The following L1TD1 variants were observed in gnomAD, a reference collection of about 807,000 sequenced individuals.
L1TD1 encodes the protein LINE-1 type transposase domain-containing protein 1.
In L1TD1, 26 loss-of-function variants were observed where a neutral mutation model predicts 25.7. The observed-to-expected ratio is 1.01, with a 90% CI of 0.74 to 1.40. The LOEUF is 1.40. Ranked by LOEUF, L1TD1 falls within the 40% of genes most tolerant of loss-of-function variation. The pLI is 0.00. For missense variants in L1TD1, 1,130 were observed against 975.0 expected, an observed-to-expected ratio of 1.16 and a Z score of -2.12; for synonymous variants, 421 against 335.6, an observed-to-expected ratio of 1.25 and a Z score of -2.78.
chr1:62,206,128 T>C (rs776957906), intron 2 of L1TD1, among the ~76,000 whole-genome samples: 2 of 152,228 alleles, frequency 1.3e-5, no homozygotes, highest in African/African-American at 4.8e-5. Context: ...TTTCTCAATT[T>C]TGCGTAAGAT....
At chr1:62,195,960 C>T (rs540341023) in intron 1 of L1TD1, among the ~76,000 whole-genome samples, 1 of 151,918 alleles carries the variant, frequency 6.6e-6, no homozygotes, top group Non-Finnish European at 1.5e-5. Flanking sequence ...TCGCTTGAAC[C>T]GGGGAGGCGG....
At chr1:62,199,335 T>C (rs1030246306) in intron 2 of L1TD1, among the ~76,000 whole-genome samples, 2 of 151,852 alleles carry the variant, frequency 1.3e-5, no homozygotes, top group Non-Finnish European at 2.9e-5. Flanking sequence ...CCGTCTCTAC[T>C]AAAAATACAA....
Position 62,212,232 on chromosome 1 carries a change from CTACAAAAAAA to C in L1TD1, c.*869_*878del, listed in dbSNP as rs1670891758. ...ATCCTGGGCAATGTGGCGAAAGTGT[CTACAAAAAAA>C]TACAAAAAGAGGAAGAAATGATATT... On this transcript the variant is annotated 3_prime_UTR_variant, in exon 4 of 4. Transcript: ENST00000498273. The C allele has an allele frequency of 6.6e-6, 1 of 151,922 alleles. No homozygotes were observed. Among genetic ancestry groups the C allele is most frequent in the African/African-American group, 2.4e-5 (1 of 41,360 alleles). 9.4% of individuals were successfully genotyped at this position (151,922 alleles called of 1,614,324 possible). A position where few individuals can be genotyped will look rare whatever the true frequency, so the allele number is the denominator to read the frequency against.
At chr1:62,207,727 C>A (rs1204676546) in intron 3 of L1TD1, 91 bp downstream of exon 3, 14 of 1,375,704 alleles carry the variant, frequency 1.0e-5, no homozygotes, top group Non-Finnish European at 1.3e-5. Context: ...TTTTTTTTTT[C>A]TTGAGATGGA....
At position 62,207,314 on chromosome 1, in the gene L1TD1, C is replaced by T; in HGVS notation, c.686C>T (p.Ala229Val). Residue 229 changes from alanine to valine, a missense_variant, in exon 3 of 4, where the codon GCC becomes GTC. Coordinates refer to ENST00000498273, the MANE Select transcript of L1TD1 (RefSeq NM_019079.5). ...KLKNKEEVLK[A>V]SREEKVLMDE... ...AAGAATAAAGAGGAGGTTTTAAAAG[C>T]CTCCAGAGAAGAAAAAGTGTTGATG... 6.4e-7 allele frequency: 1 copy of T among 1,550,660 alleles called. No homozygotes were observed. Among genetic ancestry groups the T allele is most frequent in the Non-Finnish European group, 8.7e-7 (1 of 1,146,722 alleles).
chr1:62,198,869 G>C (rs532596179), intron 2 of L1TD1, among the ~76,000 whole-genome samples: 1 of 150,144 alleles, frequency 6.7e-6, no homozygotes. Flanking sequence ...GCAGGGTCTT[G>C]CTCTGTCACC....
chr1:62,198,443 AT>A (rs1352753643), intron 2 of L1TD1, among the ~76,000 whole-genome samples: 2 of 140,236 alleles, frequency 1.4e-5, no homozygotes, highest in Non-Finnish European at 1.6e-5. Flanking sequence ...AATTGTTCTT[AT>A]TTAAAAAAAA....
chr1:62,195,115 G>GC (rs1670507436), intron 1 of L1TD1, among the ~76,000 whole-genome samples, 194 bp downstream of exon 1: 1 of 151,470 alleles, frequency 6.6e-6, no homozygotes, highest in Non-Finnish European at 1.5e-5. Flanking sequence ...GGTCCGCAGC[G>GC]CCCCAAGTAA....
rs1670828157 is a variant in L1TD1 at position 62,209,987 on chromosome 1, G to A, written c.1213G>A (p.Glu405Lys). 4 of 1,470,666 alleles carry A rather than the reference G, an allele frequency of 2.7e-6. No homozygotes were observed. The highest frequency in any genetic ancestry group is 3.7e-6 in the Non-Finnish European group (4 of 1,071,656). 91.1% of individuals were successfully genotyped at this position (1,470,666 alleles called of 1,614,324 possible). A position where few individuals can be genotyped will look rare whatever the true frequency, so the allele number is the denominator to read the frequency against. ...TGATGAAGATACCTCAGGGCTGGAGGAGGAGGAGGAAGAGCCCTCAGGGCT... is the reference window on the plus strand; with the variant it reads ...TGATGAAGATACCTCAGGGCTGGAGAAGGAGGAGGAAGAGCCCTCAGGGCT... ...EDDEDTSGLE[E>K]EEEEPSGLEE... Residue 405 changes from glutamate to lysine, a missense_variant, in exon 4 of 4, where the codon GAG (glutamate) becomes AAG (lysine). Coordinates refer to ENST00000498273, the MANE Select transcript of L1TD1 (RefSeq NM_019079.5).
chr1:62,201,844 C>T (rs536146818), intron 2 of L1TD1, among the ~76,000 whole-genome samples: 1 of 152,318 alleles, frequency 6.6e-6, no homozygotes, highest in Admixed American at 6.5e-5. Context: ...TACATTGCAT[C>T]TAGTGAATTC....
chr1:62,204,293 T>A (rs2149100019), intron 2 of L1TD1, among the ~76,000 whole-genome samples: 1 of 152,298 alleles, frequency 6.6e-6, no homozygotes, highest in Admixed American at 6.5e-5. Flanking sequence ...TAATTTAACT[T>A]TAATTTTTAT....
In L1TD1 at chr1:62,210,612, CAGA is replaced by C. The variant is rs549166182; in HGVS notation, c.1843_1845del (p.Glu615del). On this transcript the variant is annotated inframe_deletion, in exon 4 of 4. Coordinates refer to ENST00000498273, the MANE Select transcript of L1TD1 (RefSeq NM_019079.5). The stretch of plus-strand genomic sequence containing the variant: ...AAAGAAGCAGACTTAACAGAGGAAA[CAGA>C]AGAAAACTTGAGAAGTAGTGTGATT... The C allele has an allele frequency of 6.2e-4, 993 of 1,604,210 alleles. 12 individuals carry two copies. In the South Asian group the frequency reaches 0.01, roughly 17 times the overall value.
rs767322958 is a variant in L1TD1, at chr1:62,211,223, A to G, written c.2449A>G (p.Lys817Glu). ...WSNVFKVLLE[K>E]GFNPRILYPA... ...CAATGTCTTCAAAGTTCTGCTGGAAAAAGGCTTTAATCCTAGAATCCTATA... is the reference window on the plus strand; with the variant it reads ...CAATGTCTTCAAAGTTCTGCTGGAAGAAGGCTTTAATCCTAGAATCCTATA... The change falls in exon 4 of 4, where the codon AAA becomes GAA. Residue 817 changes from lysine (K) to glutamate (E), a missense_variant. Transcript: ENST00000498273. 34 of 1,563,310 alleles carry G rather than the reference A, an allele frequency of 2.2e-5. No homozygotes were observed. The highest frequency in any genetic ancestry group is 2.7e-5 in the Non-Finnish European group (31 of 1,153,190).
At chr1:62,198,054 T>TA (rs1670576838) in intron 2 of L1TD1, among the ~76,000 whole-genome samples, 2 of 150,744 alleles carry the variant, frequency 1.3e-5, no homozygotes, top group South Asian at 4.2e-4. Flanking sequence ...AAAAAGAAAA[T>TA]AGTGTTAAAA....
At chr1:62,200,636 A>G (rs1670623781) in intron 2 of L1TD1, among the ~76,000 whole-genome samples, 1 of 152,118 alleles carries the variant, frequency 6.6e-6, no homozygotes, top group Non-Finnish European at 1.5e-5. Flanking sequence ...GAAAAAACTC[A>G]GTACTAAAAT....
At chr1:62,197,346 C>T (rs1257340699) in intron 2 of L1TD1, among the ~76,000 whole-genome samples, 1 of 147,674 alleles carries the variant, frequency 6.8e-6, no homozygotes, top group Non-Finnish European at 1.5e-5. Flanking sequence ...GAGATCCTGC[C>T]ATTTCACTCC....
chr1:62,205,424 T>C (rs1273027872), intron 2 of L1TD1, among the ~76,000 whole-genome samples: 4 of 42,962 alleles, frequency 9.3e-5, no homozygotes, highest in African/African-American at 3.1e-4. Context: ...TCTCTATATA[T>C]ATATATATAT....
intron 2 of L1TD1, among the ~76,000 whole-genome samples, chr1:62,205,270 G>A (rs1237646475): frequency 1.3e-5 from 2 of 150,980 alleles, no homozygotes; most frequent in Non-Finnish European, 2.9e-5. Flanking sequence ...GCTGGGAGGC[G>A]GAGGTTGCAG....
rs546879656 is a variant in L1TD1 at position 62,210,854 on chromosome 1, G to A, written c.2080G>A (p.Glu694Lys). ...IISKERQRDIEERSRSCNIRL... is the reference protein window; with the variant it reads ...IISKERQRDIKERSRSCNIRL... ...TAGTAAAGAAAGGCAAAGAGATATA[G>A]AGGAGAGATCTAGAAGTTGCAACAT... Residue 694 changes from glutamate to lysine, a missense_variant, in exon 4 of 4, where the codon GAG becomes AAG. Transcript: ENST00000498273. The A allele has an allele frequency of 2.6e-6, 4 of 1,551,264 alleles. No homozygotes were observed. In the East Asian group the frequency reaches 9.8e-5, roughly 38 times the overall value.
Sources: allele counts gnomAD v4.1 joint callset (sites outside exome capture counted in the v4.1 genomes callset), GRCh38; gene constraint gnomAD v4.1.1; transcripts MANE v1.5; gene names NCBI Gene and HGNC (gene_info 2026-07-23, HGNC 2026-07-21).